PTPRA: variants seen among roughly 807,000 people sequenced by gnomAD.
PTPRA encodes receptor-type tyrosine-protein phosphatase alpha.
A neutral mutation model predicts 104.8 loss-of-function variants in PTPRA; 25 were observed. The ratio of observed to expected loss-of-function variants is 0.24; its 90% CI spans 0.17 to 0.33. The LOEUF (loss-of-function observed/expected upper bound fraction) is 0.33, where lower values mean the gene tolerates loss of function less well. Ranked by LOEUF, PTPRA falls within the 10% of genes least tolerant of loss-of-function variation. The pLI is 1.00. For missense variants in PTPRA, 765 were observed against 1,015.3 expected, an observed-to-expected ratio of 0.75 and a Z score of 3.35; for synonymous variants, 323 against 368.9, an observed-to-expected ratio of 0.88 and a Z score of 1.43.
chr20:2,921,058 G>A (rs2147345162), intron 1 of PTPRA, among the ~76,000 whole-genome samples: 1 of 152,256 alleles, frequency 6.6e-6, no homozygotes, highest in African/African-American at 2.4e-5. Context: ...CATTGTACCT[G>A]GAAAGAGAAA....
chr20:2,936,447 G>A (rs1379963458), intron 2 of PTPRA, among the ~76,000 whole-genome samples: 1 of 151,072 alleles, frequency 6.6e-6, no homozygotes, highest in African/African-American at 2.4e-5. Flanking sequence ...ATAGGCATGA[G>A]CCACCATGCC....
chr20:2,956,246 A>G (rs1336124675), intron 3 of PTPRA, among the ~76,000 whole-genome samples: 2 of 152,114 alleles, frequency 1.3e-5, no homozygotes, highest in Non-Finnish European at 2.9e-5. Flanking sequence ...TAAAATCTAA[A>G]TTGTTCCATT....
chr20:2,959,891 C>T (rs559917774), intron 3 of PTPRA, among the ~76,000 whole-genome samples: 1 of 152,230 alleles, frequency 6.6e-6, no homozygotes, highest in African/African-American at 2.4e-5. Flanking sequence ...GTGGAGGTTA[C>T]AGTGAGCCAC....
At position 2,950,454 on chromosome 20, in the gene PTPRA, T is replaced by G. The variant is rs1257947243; in HGVS notation, c.-7+2430T>G. Among the ~76,000 whole-genome samples the G allele has an allele frequency of 2.6e-5, 4 of 151,754 alleles. No homozygotes were observed. The highest frequency in any genetic ancestry group is 9.7e-5 in the African/African-American group (4 of 41,360). Reference sequence around the variant, plus strand: ...GAGATCGAGACCATCCTGGCCATCATGGTGAAACCCCGTCTCTACTAAAAA... The same window carrying G: ...GAGATCGAGACCATCCTGGCCATCAGGGTGAAACCCCGTCTCTACTAAAAA... On this transcript the variant is annotated intron_variant, in intron 3 of 23. Coordinates refer to ENST00000399903, the MANE Select transcript of PTPRA (RefSeq NM_001385305.1). The surrounding 1 kb of genome is among the most constrained non-coding windows in gnomAD (Gnocchi z 4.0).
chr20:2,936,402 G>A (rs548737771), intron 2 of PTPRA, among the ~76,000 whole-genome samples: 5 of 150,406 alleles, frequency 3.3e-5, no homozygotes, highest in Middle Eastern at 3.6e-3. Context: ...GGCTCAAGCA[G>A]TATGCCTGCC....
Position 2,903,912 on chromosome 20 carries a change from C to CT in PTPRA, c.-128-19283dup, listed in dbSNP as rs574439749. ...GGATTTGCTTGGTGGGTTTCCATAA[C>CT]TTTTTTTTTTTTGAGACTGGATCTT... On this transcript the variant is annotated intron_variant, in intron 1 of 23. Transcript: ENST00000399903. Among the ~76,000 whole-genome samples, 443 of 146,170 alleles carry CT rather than the reference C, an allele frequency of 3.0e-3. 2 individuals are homozygous for CT. The highest frequency in any genetic ancestry group is 0.027 in the South Asian group (126 of 4,612).
At chr20:2,901,019 T>A (rs1328656373) in intron 1 of PTPRA, among the ~76,000 whole-genome samples, 1 of 152,124 alleles carries the variant, frequency 6.6e-6, no homozygotes, top group Non-Finnish European at 1.5e-5. Context: ...TTGCCCAGGC[T>A]AGAGTGCAGT....
intron 1 of PTPRA, among the ~76,000 whole-genome samples, chr20:2,880,256 T>G (rs2089973869): frequency 6.6e-6 from 1 of 152,148 alleles, no homozygotes; most frequent in South Asian, 2.1e-4. Flanking sequence ...GGAAGAAAAT[T>G]TAGAACTTTT....
chr20:2,879,350 T>C (rs2089923826), intron 1 of PTPRA, among the ~76,000 whole-genome samples: 1 of 152,206 alleles, frequency 6.6e-6, no homozygotes, highest in Non-Finnish European at 1.5e-5. Context: ...CTTGGGATTC[T>C]GTGTTACTAA....
chr20:2,982,278 G>T (rs1034471457), intron 6 of PTPRA, among the ~76,000 whole-genome samples: 4 of 151,784 alleles, frequency 2.6e-5, no homozygotes, highest in Non-Finnish European at 4.4e-5. Flanking sequence ...TAGCAGAGAC[G>T]GGGTTTCACC....
intron 1 of PTPRA, among the ~76,000 whole-genome samples, chr20:2,881,636 C>T (rs2090056571): frequency 6.6e-6 from 1 of 152,168 alleles, no homozygotes; most frequent in Non-Finnish European, 1.5e-5. Flanking sequence ...CCACCTTGGC[C>T]TTCCAAAGCT....
At chr20:3,028,425 A>T (rs1472570667) in intron 20 of PTPRA, among the ~76,000 whole-genome samples, 1 of 152,242 alleles carries the variant, frequency 6.6e-6, no homozygotes, top group Non-Finnish European at 1.5e-5. Flanking sequence ...CCGGAAACTC[A>T]TACTAAAAAG....
intron 1 of PTPRA, among the ~76,000 whole-genome samples, chr20:2,881,283 C>T (rs1044634321): frequency 1.4e-4 from 21 of 151,694 alleles, no homozygotes; most frequent in Admixed American, 2.6e-4. Context: ...TGCACTCAAG[C>T]CTGGGTGACA....
chr20:2,929,760 G>T (rs1442325544), intron 2 of PTPRA, among the ~76,000 whole-genome samples: 1 of 152,122 alleles, frequency 6.6e-6, no homozygotes, highest in Non-Finnish European at 1.5e-5. Flanking sequence ...AGGAGCTCGA[G>T]GCTGCAGTAA....
chr20:3,027,676 C>A, intron 19 of PTPRA, 31 bp from the exon 20 acceptor site: 1 of 1,609,848 alleles, frequency 6.2e-7, no homozygotes, highest in Non-Finnish European at 8.5e-7. Flanking sequence ...ATTAAACCAT[C>A]TCACCCTTGC....
chr20:2,947,925 A>G (rs2061198450), intron 2 of PTPRA, 57 bp from the exon 3 acceptor site: 1 of 768,838 alleles, frequency 1.3e-6, no homozygotes, highest in Non-Finnish European at 1.9e-6. Context: ...AGGTTGATGA[A>G]TGCTTCACAT....
At chr20:2,897,268 G>C (rs181545139) in intron 1 of PTPRA, among the ~76,000 whole-genome samples, 13 of 151,746 alleles carry the variant, frequency 8.6e-5, no homozygotes, top group Non-Finnish European at 1.0e-4. Flanking sequence ...TCAAATTTTT[G>C]CTTGCTAGTT....
In PTPRA at chr20:2,940,352, C is replaced by T. The variant is rs373038589; in HGVS notation, c.-49-7630C>T. On this transcript the variant is annotated intron_variant, in intron 2 of 23. Transcript: ENST00000399903. The stretch of plus-strand genomic sequence containing the variant: ...TTTTTTTTTTAAAGAGACCGGGTCT[C>T]GCTGTATCGCCTAGGCTGGACTTGA... 1.1e-4 allele frequency among the ~76,000 whole-genome samples: 16 copies of T among 150,272 alleles called. No homozygotes were observed. In the East Asian group the frequency reaches 3.1e-3, roughly 29 times the overall value.
intron 2 of PTPRA, among the ~76,000 whole-genome samples, chr20:2,942,670 T>A (rs2060963165): frequency 6.6e-6 from 1 of 151,668 alleles, no homozygotes; most frequent in Non-Finnish European, 1.5e-5. Context: ...TCCCTGAATC[T>A]CCAGCCTGCC....
Sources: gnomAD v4.1 joint callset for allele counts (sites outside exome capture counted in the v4.1 genomes callset) on GRCh38, gnomAD v4.1.1 for gene constraint, Gnocchi (gnomAD v3.1) non-coding constraint, MANE v1.5 for transcripts, NCBI Gene and HGNC (gene_info 2026-07-23, HGNC 2026-07-21) for gene names.